LRRTM4: variants seen among roughly 807,000 people sequenced by gnomAD.
The protein encoded by LRRTM4 is leucine rich repeat transmembrane neuronal 4.
In LRRTM4, 25 loss-of-function variants were observed where a neutral mutation model predicts 47.6. The ratio of observed to expected loss-of-function variants is 0.53; its 90% CI spans 0.38 to 0.73. LRRTM4 has a LOEUF of 0.73. LRRTM4 is among the 30% of genes least tolerant of loss of function. The pLI is 0.00. For missense variants in LRRTM4, 638 were observed against 713.4 expected (o/e 0.89, Z 1.20); for synonymous variants, 311 against 269.5 (o/e 1.15, Z -1.51).
intron 3 of LRRTM4, among the ~76,000 whole-genome samples, chr2:77,038,469 G>A (rs2104166342): frequency 6.6e-6 from 1 of 151,554 alleles, no homozygotes; most frequent in African/African-American, 2.4e-5. Flanking sequence ...AAATTATAAA[G>A]TACTGTTCAG....
chr2:77,244,305 T>C (rs10184735), intron 3 of LRRTM4, among the ~76,000 whole-genome samples: 76,186 of 143,180 alleles, frequency 0.53, 20,461 homozygotes, highest in African/African-American at 0.58. Flanking sequence ...ATGGCTGGGT[T>C]AAATGGTATT....
At chr2:77,343,910 C>T (rs1304544868) in intron 3 of LRRTM4, among the ~76,000 whole-genome samples, 1 of 151,950 alleles carries the variant, frequency 6.6e-6, no homozygotes, top group South Asian at 2.1e-4. Flanking sequence ...GTTGGAAGAG[C>T]ATTCCAGGAA....
intron 3 of LRRTM4, among the ~76,000 whole-genome samples, chr2:77,421,777 A>G (rs1674905113): frequency 6.6e-6 from 1 of 152,186 alleles, no homozygotes; most frequent in Non-Finnish European, 1.5e-5. Context: ...CCTCATAACA[A>G]AGAATTATCT....
chr2:77,420,425 T>G (rs1267427121), intron 3 of LRRTM4, among the ~76,000 whole-genome samples: 3 of 152,090 alleles, frequency 2.0e-5, no homozygotes, highest in African/African-American at 4.8e-5. Context: ...AGGGTTTAAT[T>G]AGCAGGAGGT....
At chr2:77,233,427 C>A (rs1199607158) in intron 3 of LRRTM4, among the ~76,000 whole-genome samples, 1 of 152,066 alleles carries the variant, frequency 6.6e-6, no homozygotes, top group Non-Finnish European at 1.5e-5. Flanking sequence ...TATAACATTT[C>A]TCAGTTAATT....
intron 3 of LRRTM4, among the ~76,000 whole-genome samples, chr2:77,138,210 A>G (rs1672006537): frequency 6.6e-6 from 1 of 152,208 alleles, no homozygotes; most frequent in Non-Finnish European, 1.5e-5. Context: ...AAAATTGACC[A>G]CATAGTTGGA....
chr2:77,228,152 T>G (rs1674865176), intron 3 of LRRTM4, among the ~76,000 whole-genome samples: 1 of 152,134 alleles, frequency 6.6e-6, no homozygotes, highest in Non-Finnish European at 1.5e-5. Flanking sequence ...TTCAAATGTA[T>G]TAAATGTTTT....
At chr2:77,483,208 T>C (rs1479745105) in intron 3 of LRRTM4, among the ~76,000 whole-genome samples, 1 of 147,168 alleles carries the variant, frequency 6.8e-6, no homozygotes, top group Non-Finnish European at 1.5e-5. Context: ...TGCATATACA[T>C]CATCTAACAA....
chr2:77,396,882 G>A (rs1375862650), intron 3 of LRRTM4, among the ~76,000 whole-genome samples: 3 of 151,864 alleles, frequency 2.0e-5, no homozygotes, highest in Non-Finnish European at 2.9e-5. Flanking sequence ...TTTGAAGAGT[G>A]GACATTGCTA....
chr2:77,395,476 A>G (rs1673666655), intron 3 of LRRTM4, among the ~76,000 whole-genome samples: 1 of 151,984 alleles, frequency 6.6e-6, no homozygotes, highest in Non-Finnish European at 1.5e-5. Flanking sequence ...CTAGACCCCA[A>G]AGTAGCCAGT....
intron 3 of LRRTM4, among the ~76,000 whole-genome samples, chr2:76,978,162 T>A (rs1371290625): frequency 2.0e-5 from 3 of 151,972 alleles, no homozygotes; most frequent in African/African-American, 4.8e-5. Context: ...CCCATACTAT[T>A]CTCCCCCTTG....
At chr2:77,411,153 T>G (rs1173998467) in intron 3 of LRRTM4, among the ~76,000 whole-genome samples, 1 of 152,130 alleles carries the variant, frequency 6.6e-6, no homozygotes, top group Non-Finnish European at 1.5e-5. Flanking sequence ...GAGCACAGAT[T>G]CAGGCCCCTT....
At chr2:77,169,833 C>T (rs555017682) in intron 3 of LRRTM4, among the ~76,000 whole-genome samples, 1 of 151,284 alleles carries the variant, frequency 6.6e-6, no homozygotes, top group Admixed American at 6.6e-5. Context: ...TAAGACATTT[C>T]CCATACTTTT....
At chr2:77,139,833 GA>G (rs1267477088) in intron 3 of LRRTM4, among the ~76,000 whole-genome samples, 1 of 152,066 alleles carries the variant, frequency 6.6e-6, no homozygotes, top group African/African-American at 2.4e-5. Flanking sequence ...ACCAATAACA[GA>G]CAAACAGAGA....
chr2:76,901,931 T>C (rs185072078), intron 3 of LRRTM4, among the ~76,000 whole-genome samples: 62 of 152,280 alleles, frequency 4.1e-4, no homozygotes, highest in African/African-American at 1.5e-3. Flanking sequence ...ATAATCTTAA[T>C]TCCTTTGCTC....
intron 3 of LRRTM4, among the ~76,000 whole-genome samples, chr2:77,513,796 C>T (rs751624229): frequency 1.3e-5 from 2 of 152,020 alleles, no homozygotes; most frequent in Non-Finnish European, 2.9e-5. Context: ...AAACTCTTGA[C>T]CTCAAGTAAT....
chr2:77,373,088 A>AT (rs1553435845), intron 3 of LRRTM4, among the ~76,000 whole-genome samples: 4,908 of 140,296 alleles, frequency 0.035, 97 homozygotes, highest in South Asian at 0.064. Flanking sequence ...TTAAAAAAAA[A>AT]ATATATATAT....
chr2:77,183,571 C>T (rs1176014792), intron 3 of LRRTM4, among the ~76,000 whole-genome samples: 1 of 152,090 alleles, frequency 6.6e-6, no homozygotes, highest in Non-Finnish European at 1.5e-5. Context: ...CCCAGCCATC[C>T]CATTACTGGG....
chr2:77,301,178 T>C lies in LRRTM4; in HGVS notation c.1551+217140A>G, dbSNP rs1365054072. On this transcript the variant is annotated intron_variant, in intron 3 of 3. Coordinates refer to ENST00000409884, the MANE Select transcript of LRRTM4 (RefSeq NM_001134745.3). The stretch of plus-strand genomic sequence containing the variant: ...AGATGCTTCATGGAATTTTTCAGGT[T>C]GCTTTTCTGTTCAACCTTAAATATT... Among the ~76,000 whole-genome samples, 3 of 152,122 alleles carry C rather than the reference T, an allele frequency of 2.0e-5. No individual in the cohort carries two copies. The East Asian group carries it at 5.8e-4, about 29-fold the overall frequency.
Sources: gnomAD v4.1 joint callset for allele counts (sites outside exome capture counted in the v4.1 genomes callset) on GRCh38, gnomAD v4.1.1 for gene constraint, MANE v1.5 for transcripts, NCBI Gene and HGNC (gene_info 2026-07-23, HGNC 2026-07-21) for gene names.